COMMD1: variants seen among roughly 807,000 people sequenced by gnomAD.
COMMD1 encodes the protein COMM domain-containing protein 1.
In COMMD1, 10 loss-of-function variants were observed where a neutral mutation model predicts 17.2. The ratio of observed to expected loss-of-function variants is 0.58; its 90% CI spans 0.36 to 0.99. The LOEUF is 0.99. Ranked by LOEUF, COMMD1 falls within the 50% of genes least tolerant of loss-of-function variation. COMMD1 has a pLI of 0.01. For missense variants in COMMD1, 270 were observed against 231.8 expected (o/e 1.17, Z -1.07); for synonymous variants, 97 against 91.6 (o/e 1.06, Z -0.34).
intron 2 of COMMD1, among the ~76,000 whole-genome samples, chr2:62,097,908 T>A (rs944334167): frequency 2.6e-5 from 4 of 152,220 alleles, no homozygotes; most frequent in African/African-American, 9.6e-5. Context: ...CCTCAGAGCA[T>A]CCCTATTCTG....
At chr2:62,023,969 G>A (rs1487975878) in intron 2 of COMMD1, among the ~76,000 whole-genome samples, 1 of 152,156 alleles carries the variant, frequency 6.6e-6, no homozygotes, top group African/African-American at 2.4e-5. Context: ...ATGAAATAAT[G>A]TTCAGTGGAA....
rs927007556 is a variant in COMMD1 at position 61,998,168 on chromosome 2, G to C, written c.181-2533G>C. On this transcript the variant is annotated intron_variant, in intron 1 of 2. Coordinates refer to ENST00000311832, the MANE Select transcript of COMMD1 (RefSeq NM_152516.4). ...GCCCTCGATTAGGTTTTGGCTTATG[G>C]GAATGTGGTGGCTGGTTTGATCTTT... is the stretch of plus-strand genomic sequence containing the variant. 2.0e-5 allele frequency among the ~76,000 whole-genome samples: 3 copies of C among 152,032 alleles called. No homozygotes were observed. In the East Asian group the frequency reaches 5.8e-4, roughly 29 times the overall value.
intron 1 of COMMD1, among the ~76,000 whole-genome samples, chr2:61,969,548 G>A (rs543683965): frequency 6.6e-6 from 1 of 152,316 alleles, no homozygotes; most frequent in African/African-American, 2.4e-5. Context: ...CTGTTGACAA[G>A]TACAGATTTG....
chr2:62,116,399 T>C (rs1427784894), intron 2 of COMMD1, among the ~76,000 whole-genome samples: 1 of 152,146 alleles, frequency 6.6e-6, no homozygotes, highest in Non-Finnish European at 1.5e-5. Flanking sequence ...TGGCCGGTTG[T>C]GGTGGCTTAT....
At chr2:62,058,543 G>A (rs542706727) in intron 2 of COMMD1, among the ~76,000 whole-genome samples, 125 of 152,196 alleles carry the variant, frequency 8.2e-4, no homozygotes, top group African/African-American at 2.8e-3. Context: ...GGAGGCTGAG[G>A]TGGGAGGATT....
At chr2:62,012,164 C>T (rs1317823404) in intron 2 of COMMD1, among the ~76,000 whole-genome samples, 10 of 151,188 alleles carry the variant, frequency 6.6e-5, no homozygotes, top group African/African-American at 1.9e-4. Context: ...GGCTGAGGAA[C>T]GAGAATCACT....
chr2:62,059,922 T>G (rs543895262), intron 2 of COMMD1, among the ~76,000 whole-genome samples: 2 of 151,530 alleles, frequency 1.3e-5, no homozygotes, highest in South Asian at 2.1e-4. Flanking sequence ...CCTTTTTTAC[T>G]TCTTACAGCT....
intron 1 of COMMD1, among the ~76,000 whole-genome samples, chr2:61,899,039 A>G (rs1669606889): frequency 6.6e-6 from 1 of 152,152 alleles, no homozygotes; most frequent in African/African-American, 2.4e-5. Flanking sequence ...GCTCACTCTG[A>G]TATTTTGGAA....
chr2:62,115,679 A>T (rs1453115722), intron 2 of COMMD1, among the ~76,000 whole-genome samples: 3 of 152,188 alleles, frequency 2.0e-5, no homozygotes, highest in African/African-American at 4.8e-5. Flanking sequence ...ACTAAGCTAA[A>T]TAGAGATAAA....
rs371403118 is a variant in COMMD1, at chr2:61,942,928, C to CATAT, written c.180+37082_180+37085dup. 5.3e-4 allele frequency among the ~76,000 whole-genome samples: 79 copies of CATAT among 150,390 alleles called. No homozygotes were observed. The East Asian group carries it at 0.015, about 29-fold the overall frequency. On this transcript the variant is annotated intron_variant, in intron 1 of 2. Transcript: ENST00000311832. ...GAATATGTGTACATATACCTAAACA[C>CATAT]ATATATATATATATACACTCATACA...
intron 1 of COMMD1, among the ~76,000 whole-genome samples, chr2:61,983,639 T>C (rs1343498540): frequency 6.6e-6 from 1 of 152,212 alleles, no homozygotes; most frequent in African/African-American, 2.4e-5. Context: ...CATATAGTTG[T>C]TCATGGTAGC....
At chr2:62,050,541 A>G (rs2103916846) in intron 2 of COMMD1, among the ~76,000 whole-genome samples, 2 of 152,292 alleles carry the variant, frequency 1.3e-5, no homozygotes, top group Middle Eastern at 6.8e-3. Flanking sequence ...TAGTTTTCTC[A>G]CTTGTCTTCT....
intron 1 of COMMD1, among the ~76,000 whole-genome samples, chr2:61,916,177 G>A (rs1670047594): frequency 6.6e-6 from 1 of 152,096 alleles, no homozygotes; most frequent in African/African-American, 2.4e-5. Context: ...GCCCAGGCCG[G>A]TCTCAAACTC....
At chr2:62,082,677 T>C (rs1433783723) in intron 2 of COMMD1, among the ~76,000 whole-genome samples, 1 of 152,028 alleles carries the variant, frequency 6.6e-6, no homozygotes, top group African/African-American at 2.4e-5. Context: ...CTGACCAACA[T>C]GGTGAAACAT....
intron 2 of COMMD1, among the ~76,000 whole-genome samples, chr2:62,115,882 A>C (rs1226041148): frequency 9.6e-6 from 1 of 104,384 alleles, no homozygotes; most frequent in African/African-American, 3.8e-5. Context: ...TTTTTTTGAG[A>C]TAGGGTCTTG....
At chr2:62,050,450 T>C (rs1670504870) in intron 2 of COMMD1, among the ~76,000 whole-genome samples, 1 of 152,224 alleles carries the variant, frequency 6.6e-6, no homozygotes, top group Non-Finnish European at 1.5e-5. Context: ...CAATTAAAAA[T>C]GTTCTTAAAA....
chr2:62,046,584 T>C lies in COMMD1; in HGVS notation c.462+45602T>C, dbSNP rs570267834. On this transcript the variant is annotated intron_variant, in intron 2 of 2. Coordinates refer to ENST00000311832, the MANE Select transcript of COMMD1 (RefSeq NM_152516.4). The stretch of plus-strand genomic sequence containing the variant: ...TAGAGTAGAACGTACGATGAAGCAT[T>C]CATTGAAGAAGTAAAGAGAAGACCT... Among the ~76,000 whole-genome samples, 123 of 145,540 alleles carry C rather than the reference T, an allele frequency of 8.5e-4. 2 individuals carry two copies. The highest frequency in any genetic ancestry group is 3.1e-3 in the African/African-American group (110 of 35,116).
chr2:61,995,820 C>T (rs1668740819), intron 1 of COMMD1, among the ~76,000 whole-genome samples: 1 of 152,190 alleles, frequency 6.6e-6, no homozygotes, highest in African/African-American at 2.4e-5. Context: ...ATACTATCAT[C>T]TACCTCATTG....
At chr2:61,971,354 A>AT (rs1193114687) in intron 1 of COMMD1, among the ~76,000 whole-genome samples, 1 of 152,064 alleles carries the variant, frequency 6.6e-6, no homozygotes, top group Non-Finnish European at 1.5e-5. Context: ...TAAACGTTTG[A>AT]TTTTTTAAGA....
Sources: gnomAD v4.1 joint callset for allele counts (sites outside exome capture counted in the v4.1 genomes callset) on GRCh38, gnomAD v4.1.1 for gene constraint, MANE v1.5 for transcripts, NCBI Gene and HGNC (gene_info 2026-07-23, HGNC 2026-07-21) for gene names.